The following BEND7 variants were observed in gnomAD, a reference collection of about 807,000 sequenced individuals.
The protein encoded by BEND7 is BEN domain-containing protein 7.
A neutral mutation model predicts 50.9 loss-of-function variants in BEND7; 28 were observed. The observed-to-expected ratio is 0.55, with a 90% confidence interval of 0.41 to 0.75. BEND7 has a LOEUF of 0.75. Among genes scored for constraint, BEND7 ranks in the 30% least tolerant of loss-of-function variants. The pLI, the probability that BEND7 is intolerant of heterozygous loss-of-function variation, is 0.00. For synonymous variants in BEND7, 170 were observed against 183.9 expected (o/e 0.92, Z 0.61); for missense variants, 477 against 491.3 (o/e 0.97, Z 0.28).
At chr10:13,482,877 T>C (rs2075969248) in intron 5 of BEND7, among the ~76,000 whole-genome samples, 1 of 152,246 alleles carries the variant, frequency 6.6e-6, no homozygotes, top group Admixed American at 6.5e-5. Context: ...TATGTCTTTG[T>C]TGAATGATTC....
chr10:13,448,248 T>A (rs1347977676), intron 7 of BEND7, among the ~76,000 whole-genome samples: 6 of 152,152 alleles, frequency 3.9e-5, no homozygotes, highest in African/African-American at 1.4e-4. Context: ...GTGTGTCTCT[T>A]GACAAGGGAT....
Position 13,528,584 on chromosome 10 carries a change from AGCGGCAGCGG to A in BEND7, c.-61_-52del. 2.4e-4 allele frequency: 6 copies of A among 25,466 alleles called. No individual in the cohort carries two copies. The highest frequency in any genetic ancestry group is 2.8e-4 in the Non-Finnish European group (6 of 21,322). The allele number at this position is 25,466 out of a possible 1,614,324, so 1.6% of individuals were successfully genotyped here. ...CTGAGGAGGCGGCGGCAGCGGCGGC[AGCGGCAGCGG>A]CGGCAGCGGCAGCGGCGGCGCGGGC... is the stretch of plus-strand genomic sequence containing the variant. On this transcript the variant is annotated 5_prime_UTR_variant, in exon 1 of 9. Transcript: ENST00000466271.
chr10:13,441,408 T>G lies in BEND7; in HGVS notation c.*335A>C. ...ACAAAATATGATTTTGCTGTTGCAG[T>G]TTTGATACGTATTTCCAGTGTGTAG... On this transcript the variant is annotated 3_prime_UTR_variant, in exon 9 of 9. Transcript: ENST00000466271. The G allele has an allele frequency of 1.8e-6, 2 of 1,139,302 alleles. No homozygotes were observed. The highest frequency in any genetic ancestry group is 1.6e-5 in the African/African-American group (1 of 62,516). The allele number at this position is 1,139,302 out of a possible 1,614,324, so 70.6% of individuals were successfully genotyped here. A position where few individuals can be genotyped will look rare whatever the true frequency, so the allele number is the denominator to read the frequency against.
intron 6 of BEND7, among the ~76,000 whole-genome samples, chr10:13,453,647 A>C (rs1838295325): frequency 6.6e-6 from 1 of 152,228 alleles, no homozygotes; most frequent in African/African-American, 2.4e-5. Context: ...GAGTAACTTC[A>C]AAAGTCCCCA....
intron 1 of BEND7, among the ~76,000 whole-genome samples, chr10:13,528,028 C>T (rs2079541375): frequency 6.6e-6 from 1 of 152,192 alleles, no homozygotes; most frequent in African/African-American, 2.4e-5. Flanking sequence ...GAGCTTCTTT[C>T]TCCTTCTTAA....
intron 2 of BEND7, among the ~76,000 whole-genome samples, chr10:13,518,918 C>T (rs1329156929): frequency 1.3e-5 from 2 of 152,172 alleles, no homozygotes; most frequent in Admixed American, 6.5e-5. Flanking sequence ...CAGCATTGTG[C>T]TAGGTTCTCA....
chr10:13,511,004 C>G (rs1430639005), intron 2 of BEND7, among the ~76,000 whole-genome samples: 1 of 152,110 alleles, frequency 6.6e-6, no homozygotes, highest in African/African-American at 2.4e-5. Context: ...ATGGTGAAAC[C>G]CCATCCCTAC....
chr10:13,464,994 A>T (rs1292311705), intron 6 of BEND7, among the ~76,000 whole-genome samples: 2 of 152,224 alleles, frequency 1.3e-5, no homozygotes, highest in Non-Finnish European at 1.5e-5. Context: ...GATAAGGCCT[A>T]CCTGAGTTCG....
intron 6 of BEND7, among the ~76,000 whole-genome samples, chr10:13,476,672 C>T (rs1309831142): frequency 6.6e-5 from 10 of 152,186 alleles, no homozygotes. Context: ...GAGTATATCA[C>T]AGCAAGAACT....
At chr10:13,494,924 A>G (rs2076927276) in intron 4 of BEND7, among the ~76,000 whole-genome samples, 1 of 152,226 alleles carries the variant, frequency 6.6e-6, no homozygotes, top group South Asian at 2.1e-4. Context: ...AGTTTAAGAA[A>G]ATTAAAGGAG....
chr10:13,460,811 C>T (rs953793597), intron 6 of BEND7, among the ~76,000 whole-genome samples: 7 of 152,188 alleles, frequency 4.6e-5, no homozygotes, highest in African/African-American at 1.7e-4. Flanking sequence ...GGGAGGGTTA[C>T]AAATCTGGGA....
intron 2 of BEND7, among the ~76,000 whole-genome samples, chr10:13,516,036 A>G (rs534031056): frequency 4.7e-4 from 71 of 152,350 alleles, no homozygotes; most frequent in African/African-American, 1.7e-3. Context: ...ACTCTGATCT[A>G]CTGATAACTG....
chr10:13,500,160 A>C, intron 2 of BEND7, 80 bp from the exon 3 acceptor site: 2 of 1,173,496 alleles, frequency 1.7e-6, no homozygotes, highest in Non-Finnish European at 1.2e-6. Flanking sequence ...AAGAGAAAGA[A>C]AAACAACCCT....
chr10:13,488,086 C>CAAAAAAAAAA (rs753018197), intron 5 of BEND7, among the ~76,000 whole-genome samples: 2 of 68,528 alleles, frequency 2.9e-5, no homozygotes, highest in African/African-American at 4.1e-5. Context: ...GTCTCAATTA[C>CAAAAAAAAAA]AAAAAAAAAA....
At chr10:13,479,324 C>A (rs1200056689) in intron 6 of BEND7, among the ~76,000 whole-genome samples, 1 of 152,066 alleles carries the variant, frequency 6.6e-6, no homozygotes, top group African/African-American at 2.4e-5. Flanking sequence ...TATACTTTTT[C>A]AAACTCTTGC....
At chr10:13,496,971 A>G (rs1419433611) in intron 3 of BEND7, 83 bp from the exon 4 acceptor site, 2 of 1,437,796 alleles carry the variant, frequency 1.4e-6, no homozygotes, top group South Asian at 1.5e-5. Flanking sequence ...GAGAAAAAAG[A>G]AAGTATCTTG....
chr10:13,523,729 A>G, intron 2 of BEND7, among the ~76,000 whole-genome samples: 1 of 152,258 alleles, frequency 6.6e-6, no homozygotes, highest in East Asian at 1.9e-4. Context: ...TATAAACTAT[A>G]ACACTGTCAA....
intron 2 of BEND7, among the ~76,000 whole-genome samples, chr10:13,517,438 G>A (rs959889895): frequency 1.3e-5 from 2 of 152,096 alleles, no homozygotes; most frequent in Non-Finnish European, 2.9e-5. Flanking sequence ...GGTCTCAGCT[G>A]TCATGCTAGG....
intron 6 of BEND7, among the ~76,000 whole-genome samples, chr10:13,455,827 G>C (rs1838840315): frequency 6.6e-6 from 1 of 152,158 alleles, no homozygotes; most frequent in Admixed American, 6.5e-5. Context: ...GGGCTCTGGA[G>C]GATGGAGGGT....
Sources: gnomAD v4.1 joint callset for allele counts (sites outside exome capture counted in the v4.1 genomes callset) on GRCh38, gnomAD v4.1.1 for gene constraint, MANE v1.5 for transcripts, NCBI Gene and HGNC (gene_info 2026-07-23, HGNC 2026-07-21) for gene names.